FAM171A1: variants seen among roughly 807,000 people sequenced by gnomAD.
The protein encoded by FAM171A1 is family with sequence similarity 171 member A1.
Under a neutral mutation model 74.9 loss-of-function variants are expected in FAM171A1, and 23 were observed. The ratio of observed to expected loss-of-function variants is 0.31; its 90% CI spans 0.22 to 0.44. The LOEUF (loss-of-function observed/expected upper bound fraction) is 0.44, where lower values mean the gene tolerates loss of function less well. Among genes scored for constraint, FAM171A1 ranks in the 20% least tolerant of loss-of-function variants. FAM171A1 has a pLI of 1.00. For synonymous variants in FAM171A1, 527 were observed against 505.7 expected (o/e 1.04, Z -0.57); for missense variants, 1,162 against 1,159.2 (o/e 1.00, Z -0.03).
intron 5 of FAM171A1, among the ~76,000 whole-genome samples, chr10:15,237,978 TTGAATTCCTCCTTTGC>T (rs1439756407): frequency 6.6e-6 from 1 of 152,240 alleles, no homozygotes; most frequent in Non-Finnish European, 1.5e-5. Flanking sequence ...CTTAGGTAAG[TTGAATTCCTCCTTTGC>T]TGAATGCCCT....
At chr10:15,284,246 G>C in intron 1 of FAM171A1, 141 bp from the exon 2 acceptor site, 1 of 738,222 alleles carries the variant, frequency 1.4e-6, no homozygotes. Flanking sequence ...GTTTTTACCA[G>C]AGACATTTTC....
intron 3 of FAM171A1, among the ~76,000 whole-genome samples, chr10:15,274,930 T>G (rs1393017737): frequency 1.3e-5 from 2 of 152,080 alleles, no homozygotes; most frequent in Non-Finnish European, 2.9e-5. Flanking sequence ...CCATAAAAAA[T>G]GATGAGTTCA....
intron 1 of FAM171A1, among the ~76,000 whole-genome samples, chr10:15,330,370 C>T (rs1042467132): frequency 6.6e-6 from 1 of 151,960 alleles, no homozygotes; most frequent in Non-Finnish European, 1.5e-5. Flanking sequence ...AAATCATGAT[C>T]CTCTCATATT....
chr10:15,366,668 C>G (rs1836066061), intron 1 of FAM171A1, among the ~76,000 whole-genome samples: 1 of 152,162 alleles, frequency 6.6e-6, no homozygotes, highest in Non-Finnish European at 1.5e-5. Context: ...GGACAAACTC[C>G]TCTCTCTAGA....
At chr10:15,262,885 G>A (rs756326588) in intron 3 of FAM171A1, among the ~76,000 whole-genome samples, 3 of 152,180 alleles carry the variant, frequency 2.0e-5, no homozygotes, top group Admixed American at 1.3e-4. Flanking sequence ...TGTCCTCTTC[G>A]GAAAGGCGGC....
chr10:15,330,777 G>C (rs907406023), intron 1 of FAM171A1, among the ~76,000 whole-genome samples: 3 of 142,832 alleles, frequency 2.1e-5, no homozygotes, highest in African/African-American at 7.8e-5. Flanking sequence ...GAGTGCAGTG[G>C]CACAATCTTG....
chr10:15,229,885 C>T (rs1156596527), intron 5 of FAM171A1, among the ~76,000 whole-genome samples: 2 of 46,094 alleles, frequency 4.3e-5, no homozygotes, highest in Non-Finnish European at 9.5e-5. Flanking sequence ...ATCACCATCA[C>T]CACCATCACC....
At chr10:15,275,058 C>T (rs961677205) in intron 3 of FAM171A1, among the ~76,000 whole-genome samples, 4 of 152,002 alleles carry the variant, frequency 2.6e-5, no homozygotes, top group Non-Finnish European at 4.4e-5. Flanking sequence ...ACAATGAGAA[C>T]ATTTGGACAC....
intron 1 of FAM171A1, among the ~76,000 whole-genome samples, chr10:15,353,784 A>G (rs1439142564): frequency 6.6e-6 from 1 of 152,162 alleles, no homozygotes; most frequent in Admixed American, 6.5e-5. Context: ...CAGGCGGCTC[A>G]GAAACACAGT....
intron 1 of FAM171A1, among the ~76,000 whole-genome samples, chr10:15,303,136 C>T (rs1328144388): frequency 6.6e-6 from 1 of 152,108 alleles, no homozygotes; most frequent in East Asian, 1.9e-4. Flanking sequence ...TTGCAGTGAG[C>T]CAAGATCGTG....
intron 5 of FAM171A1, among the ~76,000 whole-genome samples, chr10:15,241,980 AATT>A (rs45507993): frequency 0.072 from 11,015 of 152,244 alleles, 442 homozygotes; most frequent in Middle Eastern, 0.17. Flanking sequence ...TTAGATGAAA[AATT>A]ATTAATAGAT....
chr10:15,276,376 T>G (rs1230901415), intron 2 of FAM171A1, among the ~76,000 whole-genome samples: 2 of 152,150 alleles, frequency 1.3e-5, no homozygotes, highest in African/African-American at 2.4e-5. Context: ...ATACAGGGTT[T>G]TACTGTGTTG....
intron 1 of FAM171A1, among the ~76,000 whole-genome samples, chr10:15,361,741 A>G (rs1387707445): frequency 6.6e-6 from 1 of 152,196 alleles, no homozygotes; most frequent in African/African-American, 2.4e-5. Flanking sequence ...GACAACTTTA[A>G]TAAAAGTGTT....
At chr10:15,342,813 A>G (rs1835779609) in intron 1 of FAM171A1, among the ~76,000 whole-genome samples, 1 of 152,222 alleles carries the variant, frequency 6.6e-6, no homozygotes, top group African/African-American at 2.4e-5. Context: ...CTCCAGGCAC[A>G]TTTATCAGTG....
chr10:15,228,129 C>G (rs530820290), intron 5 of FAM171A1, among the ~76,000 whole-genome samples: 1 of 152,130 alleles, frequency 6.6e-6, no homozygotes, highest in Non-Finnish European at 1.5e-5. Flanking sequence ...AGTTACCTGG[C>G]TTTTCCTGCC....
rs190127405 is a variant in FAM171A1 at position 15,255,832 on chromosome 10, G to A, written c.419-953C>T. Among the ~76,000 whole-genome samples, 745 of 152,012 alleles carry A rather than the reference G, an allele frequency of 4.9e-3. 6 individuals are homozygous for A. Among genetic ancestry groups the A allele is most frequent in the African/African-American group, 0.017 (722 of 41,448 alleles). ...CCAGCTAATTTTTGTATTTTTAGTAGAGGCAGGGTTTCACCATGTTGGCCA... is the reference window on the plus strand; with the variant it reads ...CCAGCTAATTTTTGTATTTTTAGTAAAGGCAGGGTTTCACCATGTTGGCCA... On this transcript the variant is annotated intron_variant, in intron 3 of 7. Coordinates refer to ENST00000378116, the MANE Select transcript of FAM171A1 (RefSeq NM_001010924.2).
chr10:15,301,115 T>C (rs2131827437), intron 1 of FAM171A1, among the ~76,000 whole-genome samples: 1 of 152,308 alleles, frequency 6.6e-6, no homozygotes, highest in South Asian at 2.1e-4. Flanking sequence ...TCTTAAGTAC[T>C]TCTGCACATA....
At chr10:15,319,404 T>A (rs1369430551) in intron 1 of FAM171A1, among the ~76,000 whole-genome samples, 1 of 152,046 alleles carries the variant, frequency 6.6e-6, no homozygotes, top group Non-Finnish European at 1.5e-5. Flanking sequence ...GGGTGAGGGA[T>A]AAAAGAAAGA....
At chr10:15,345,542 A>G (rs1440434034) in intron 1 of FAM171A1, among the ~76,000 whole-genome samples, 1 of 152,132 alleles carries the variant, frequency 6.6e-6, no homozygotes, top group Admixed American at 6.5e-5. Flanking sequence ...GAGTGAGGAT[A>G]TATGTCATCA....
Sources: gnomAD v4.1 joint callset for allele counts (sites outside exome capture counted in the v4.1 genomes callset) on GRCh38, gnomAD v4.1.1 for gene constraint, MANE v1.5 for transcripts, NCBI Gene and HGNC (gene_info 2026-07-23, HGNC 2026-07-21) for gene names.